Variants in PTPRF observed in about 807,000 individuals in gnomAD.
PTPRF encodes receptor-type tyrosine-protein phosphatase F.
PTPRF carries 59 observed loss-of-function variants against 201.8 expected under a neutral mutation model. The observed-to-expected ratio is 0.29, with a 90% CI of 0.24 to 0.36. The LOEUF (loss-of-function observed/expected upper bound fraction) is 0.36. Among genes scored for constraint, PTPRF ranks in the 10% least tolerant of loss-of-function variants. The pLI, the probability that PTPRF is intolerant of heterozygous loss-of-function variation, is 1.00. For missense variants in PTPRF, 2,132 were observed against 2,690.5 expected, an observed-to-expected ratio of 0.79 and a Z score of 4.59; for synonymous variants, 1,088 against 1,089.7, an observed-to-expected ratio of 1.00 and a Z score of 0.03.
chr1:43,592,095 G>A lies in PTPRF; in HGVS notation c.1668+147G>A, dbSNP rs1418971722. 2.2e-5 allele frequency: 26 copies of A among 1,170,032 alleles called. No individual in the cohort carries two copies. In the Admixed American group the frequency reaches 2.4e-4, roughly 11 times the overall value. 72.5% of individuals were successfully genotyped at this position (1,170,032 alleles called of 1,614,324 possible). On this transcript the variant is annotated intron_variant, in intron 10 of 33. Coordinates refer to ENST00000359947, the MANE Select transcript of PTPRF (RefSeq NM_002840.5). ...CTGCTGGAGGCTTAGTGGTGCATGC[G>A]TGTCATGTGGCCCGCACAGCCTGTA...
At chr1:43,571,545 C>A (rs1026176891) in intron 6 of PTPRF, among the ~76,000 whole-genome samples, 4 of 152,232 alleles carry the variant, frequency 2.6e-5, no homozygotes, top group Non-Finnish European at 5.9e-5. Flanking sequence ...ATAAGTGGCA[C>A]CCTCCAACCT....
chr1:43,605,760 C>G lies in PTPRF; in HGVS notation c.3483+138C>G, dbSNP rs367765885. 11 of 834,380 alleles carry G rather than the reference C, an allele frequency of 1.3e-5. No homozygotes were observed. In the African/African-American group the frequency reaches 1.8e-4, roughly 14 times the overall value. The allele number at this position is 834,380 out of a possible 1,614,324, so 51.7% of individuals were successfully genotyped here. A position where few individuals can be genotyped will look rare whatever the true frequency, so the allele number is the denominator to read the frequency against. ...CTCTCTTCTGGCTGGCAGCCCGCCC[C>G]TCTCTGGAGAGAGGGACTCTGAGGA... On this transcript the variant is annotated intron_variant, in intron 19 of 33. Coordinates refer to ENST00000359947, the MANE Select transcript of PTPRF (RefSeq NM_002840.5).
intron 22 of PTPRF, among the ~76,000 whole-genome samples, chr1:43,610,475 G>T (rs1656174650): frequency 6.6e-6 from 1 of 152,274 alleles, no homozygotes; most frequent in Non-Finnish European, 1.5e-5. Context: ...ATTCCAGAAA[G>T]TCTGGGCCCT....
intron 11 of PTPRF, among the ~76,000 whole-genome samples, chr1:43,596,699 T>G (rs1468831340): frequency 6.6e-6 from 1 of 152,248 alleles, no homozygotes; most frequent in Non-Finnish European, 1.5e-5. Context: ...GGGGCCACTC[T>G]TCCTCGGAAG....
At chr1:43,570,933 C>T (rs943151743) in intron 6 of PTPRF, among the ~76,000 whole-genome samples, 1 of 152,264 alleles carries the variant, frequency 6.6e-6, no homozygotes, top group Non-Finnish European at 1.5e-5. Context: ...CAGCACGGTT[C>T]GGCTCCTCTG....
At chr1:43,573,863 C>T (rs1444975266) in intron 6 of PTPRF, among the ~76,000 whole-genome samples, 2 of 152,114 alleles carry the variant, frequency 1.3e-5, no homozygotes, top group African/African-American at 4.8e-5. Flanking sequence ...ACTGCTCCCA[C>T]CCCCACCAAG....
At chr1:43,578,126 C>G (rs1557755359) in intron 6 of PTPRF, among the ~76,000 whole-genome samples, 1 of 152,242 alleles carries the variant, frequency 6.6e-6, no homozygotes, top group Non-Finnish European at 1.5e-5. Context: ...CCTCAGGGCA[C>G]TGGCCCGAGT....
At chr1:43,610,620 C>G (rs1656203000) in intron 22 of PTPRF, among the ~76,000 whole-genome samples, 1 of 152,240 alleles carries the variant, frequency 6.6e-6, no homozygotes, top group South Asian at 2.1e-4. Context: ...TGGCTCATGC[C>G]TGTGATCCCA....
intron 14 of PTPRF, among the ~76,000 whole-genome samples, chr1:43,602,771 G>A (rs1299351772): frequency 6.6e-6 from 1 of 152,228 alleles, no homozygotes; most frequent in Non-Finnish European, 1.5e-5. Flanking sequence ...TGCCCTGGCT[G>A]CTGTCTCAGG....
At chr1:43,590,352 G>T (rs1650341278) in intron 8 of PTPRF, among the ~76,000 whole-genome samples, 1 of 152,330 alleles carries the variant, frequency 6.6e-6, no homozygotes, top group Admixed American at 6.5e-5. Context: ...TAAACTCCAT[G>T]AGAGCAGGGA....
chr1:43,590,949 T>C (rs1425591984), intron 8 of PTPRF, 23 bp from the exon 9 acceptor site: 1 of 1,589,460 alleles, frequency 6.3e-7, no homozygotes, highest in Non-Finnish European at 8.6e-7. Flanking sequence ...CGGGCAGCTT[T>C]GAGCCTTCCA....
chr1:43,599,306 C>T (rs1217868905), intron 13 of PTPRF, among the ~76,000 whole-genome samples: 3 of 152,142 alleles, frequency 2.0e-5, no homozygotes, highest in African/African-American at 7.2e-5. Context: ...GAACTCCTGA[C>T]CTCAGGTGAT....
chr1:43,597,962 G>A lies in PTPRF; in HGVS notation c.2028G>A (p.Lys676=). 3 of 1,562,828 alleles carry A rather than the reference G, an allele frequency of 1.9e-6. No individual in the cohort carries two copies. Among genetic ancestry groups the A allele is most frequent in the Non-Finnish European group, 1.7e-6 (2 of 1,152,588 alleles). ...GCTGGGACCTGGTGGGCCTGGAGAA[G>A]TGGACGGAGTACCGGGTGTGGGTGC... ...HSSWDLVGLE[K]WTEYRVWVRA... The change falls in exon 12 of 34, where the codon AAG becomes AAA. Residue 676 remains lysine (K), a synonymous_variant. Transcript: ENST00000359947.
chr1:43,611,485 A>C (rs1656435939), intron 22 of PTPRF, among the ~76,000 whole-genome samples: 1 of 152,178 alleles, frequency 6.6e-6, no homozygotes, highest in Non-Finnish European at 1.5e-5. Context: ...AGCCAAGAGA[A>C]GACTGGAGGG....
At chr1:43,585,076 T>G (rs10789437) in intron 7 of PTPRF, among the ~76,000 whole-genome samples, 39,600 of 152,194 alleles carry the variant, frequency 0.26, 6,103 homozygotes, top group East Asian at 0.48. Context: ...AACGGTAATA[T>G]ACTGGCATTG....
intron 7 of PTPRF, among the ~76,000 whole-genome samples, chr1:43,581,355 T>A: frequency 6.6e-6 from 1 of 152,218 alleles, no homozygotes; most frequent in East Asian, 1.9e-4. Context: ...GTTGTCTCTC[T>A]CACACACACA....
intron 23 of PTPRF, among the ~76,000 whole-genome samples, chr1:43,616,032 G>A (rs952404166): frequency 1.3e-5 from 2 of 152,046 alleles, no homozygotes; most frequent in African/African-American, 4.8e-5. Context: ...ATGCCCTGGT[G>A]TTGAATAGTA....
intron 2 of PTPRF, among the ~76,000 whole-genome samples, chr1:43,540,743 TC>T (rs1271477403): frequency 1.3e-5 from 2 of 152,328 alleles, no homozygotes; most frequent in African/African-American, 4.8e-5. Flanking sequence ...GGAGGGCTGT[TC>T]CTGGCTCTGC....
chr1:43,551,579 G>C (rs759039573), intron 3 of PTPRF, among the ~76,000 whole-genome samples: 6 of 152,174 alleles, frequency 3.9e-5, no homozygotes, highest in Admixed American at 3.9e-4. Context: ...TCCAGGGAAG[G>C]CCGTAGGTGA....
Sources: allele counts gnomAD v4.1 joint callset (sites outside exome capture counted in the v4.1 genomes callset), GRCh38; gene constraint gnomAD v4.1.1; transcripts MANE v1.5; gene names NCBI Gene and HGNC (gene_info 2026-07-23, HGNC 2026-07-21).